The following SAMTOR variants were observed in gnomAD, a reference collection of about 807,000 sequenced individuals.
SAMTOR encodes S-adenosylmethionine sensor upstream of mTORC1.
chr7:112,856,922 ATAAGT>A, the SAMTOR span, among the ~76,000 whole-genome samples: 2 of 152,188 alleles, frequency 1.3e-5, no homozygotes, highest in Non-Finnish European at 2.9e-5. Flanking sequence ...AACTTATCTG[ATAAGT>A]TAGGTTCATT....
chr7:112,888,441 TAC>T, the SAMTOR span, among the ~76,000 whole-genome samples: 2 of 152,164 alleles, frequency 1.3e-5, no homozygotes, highest in African/African-American at 4.8e-5. Context: ...AATATATGTG[TAC>T]ACAATGAAGG....
the SAMTOR span, among the ~76,000 whole-genome samples, chr7:112,909,847 T>C: frequency 7.9e-5 from 12 of 151,050 alleles, no homozygotes; most frequent in African/African-American, 2.2e-4. Flanking sequence ...AGGAATTTGA[T>C]TGAATATTTA....
chr7:112,851,066 T>G, the SAMTOR span, among the ~76,000 whole-genome samples: 151 of 152,056 alleles, frequency 9.9e-4, no homozygotes, highest in Non-Finnish European at 1.6e-3. Context: ...TGAAAGAAAA[T>G]GTAGATGATG....
the SAMTOR span, among the ~76,000 whole-genome samples, chr7:112,868,623 C>T: frequency 6.6e-6 from 1 of 152,318 alleles, no homozygotes; most frequent in East Asian, 1.9e-4. Flanking sequence ...GAGGAGGACA[C>T]CATTTCAAAT....
chr7:112,886,284 A>C, the SAMTOR span, among the ~76,000 whole-genome samples: 1 of 152,214 alleles, frequency 6.6e-6, no homozygotes, highest in East Asian at 1.9e-4. Flanking sequence ...CATGTTAATA[A>C]AGAGTGAAAA....
chr7:112,859,036 G>A, the SAMTOR span, among the ~76,000 whole-genome samples: 1 of 152,056 alleles, frequency 6.6e-6, no homozygotes, highest in Admixed American at 6.5e-5. Context: ...ATGTGGGTGG[G>A]CCTCATCCAA....
At chr7:112,842,175 G>C in the SAMTOR span, among the ~76,000 whole-genome samples, 1 of 151,850 alleles carries the variant, frequency 6.6e-6, no homozygotes, top group African/African-American at 2.4e-5. Flanking sequence ...CAAGCTACCT[G>C]GAGTACCACC....
At chr7:112,867,968 G>T in the SAMTOR span, among the ~76,000 whole-genome samples, 2 of 152,154 alleles carry the variant, frequency 1.3e-5, no homozygotes, top group African/African-American at 4.8e-5. Context: ...ATTCTCATAG[G>T]AGCATGAACC....
At chr7:112,925,305 G>C in the SAMTOR span, among the ~76,000 whole-genome samples, 15 of 152,256 alleles carry the variant, frequency 9.9e-5, no homozygotes, top group East Asian at 2.7e-3. Flanking sequence ...ATCAAGTCTA[G>C]AAGGCCTTTT....
the SAMTOR span, among the ~76,000 whole-genome samples, chr7:112,926,562 G>A: frequency 6.6e-6 from 1 of 152,148 alleles, no homozygotes; most frequent in African/African-American, 2.4e-5. Flanking sequence ...ACATTGAGGA[G>A]TCTGCAGACT....
the SAMTOR span, among the ~76,000 whole-genome samples, chr7:112,835,862 T>C: frequency 7.3e-5 from 11 of 151,646 alleles, no homozygotes; most frequent in East Asian, 2.1e-3. Flanking sequence ...ATATGTACCA[T>C]GTTTTCTTTA....
chr7:112,919,541 A>T, the SAMTOR span, among the ~76,000 whole-genome samples: 1 of 152,202 alleles, frequency 6.6e-6, no homozygotes, highest in Non-Finnish European at 1.5e-5. Flanking sequence ...TAAAAGAACT[A>T]GAAAAGCTAG....
chr7:112,840,130 T>C, the SAMTOR span, among the ~76,000 whole-genome samples: 1 of 151,872 alleles, frequency 6.6e-6, no homozygotes, highest in Admixed American at 6.6e-5. Context: ...AATTGAGGGG[T>C]ACGATGGAGT....
At chr7:112,872,870 A>T in the SAMTOR span, among the ~76,000 whole-genome samples, 1 of 151,910 alleles carries the variant, frequency 6.6e-6, no homozygotes, top group Non-Finnish European at 1.5e-5. Context: ...TGGCCATTCT[A>T]CACCAGTAAC....
chr7:112,869,329 T>C, the SAMTOR span, among the ~76,000 whole-genome samples: 1 of 152,134 alleles, frequency 6.6e-6, no homozygotes, highest in Non-Finnish European at 1.5e-5. Flanking sequence ...TAAGGATGCT[T>C]CTTTTGCCTC....
the SAMTOR span, among the ~76,000 whole-genome samples, chr7:112,872,944 C>T: frequency 2.0e-5 from 3 of 151,406 alleles, no homozygotes; most frequent in African/African-American, 4.8e-5. Flanking sequence ...CGTGTGTGCA[C>T]GTGCGTGCAC....
the SAMTOR span, among the ~76,000 whole-genome samples, chr7:112,848,868 T>C: frequency 6.6e-6 from 1 of 152,108 alleles, no homozygotes; most frequent in African/African-American, 2.4e-5. Context: ...ATCAACAAGG[T>C]GAAACCCTGT....
chr7:112,856,711 A>C, the SAMTOR span, among the ~76,000 whole-genome samples: 2 of 152,190 alleles, frequency 1.3e-5, no homozygotes, highest in Non-Finnish European at 2.9e-5. Context: ...GTTCCTGTAC[A>C]AGAAAACTAC....
chr7:112,933,833 G>A, the SAMTOR span, among the ~76,000 whole-genome samples: 1 of 152,100 alleles, frequency 6.6e-6, no homozygotes, highest in South Asian at 2.1e-4. Context: ...AAAGTTCACT[G>A]GAAGATTCTG....
Sources: allele counts gnomAD v4.1 joint callset (sites outside exome capture counted in the v4.1 genomes callset), GRCh38; gene constraint gnomAD v4.1.1; transcripts MANE v1.5; gene names NCBI Gene and HGNC (gene_info 2026-07-23, HGNC 2026-07-21).